Variants in COL24A1 observed in about 807,000 individuals in gnomAD.
COL24A1 encodes collagen type XXIV alpha 1 chain.
A neutral mutation model predicts 253.9 loss-of-function variants in COL24A1; 224 were observed. The observed-to-expected ratio is 0.88, with a 90% confidence interval of 0.79 to 0.99. The LOEUF (loss-of-function observed/expected upper bound fraction) is 0.99, where lower values mean the gene tolerates loss of function less well. Ranked by LOEUF, COL24A1 falls within the 50% of genes least tolerant of loss-of-function variation. COL24A1 has a pLI of 0.00. For synonymous variants in COL24A1, 685 were observed against 673.7 expected (o/e 1.02, Z -0.26); for missense variants, 2,131 against 2,068.5 (o/e 1.03, Z -0.59).
At chr1:85,879,534 T>C (rs1380681238) in intron 32 of COL24A1, among the ~76,000 whole-genome samples, 1 of 152,190 alleles carries the variant, frequency 6.6e-6, no homozygotes, top group East Asian at 1.9e-4. Flanking sequence ...GCCAACCTCC[T>C]GCAGAGTTAA....
At chr1:86,020,764 A>G (rs1697455658) in intron 18 of COL24A1, among the ~76,000 whole-genome samples, 1 of 152,226 alleles carries the variant, frequency 6.6e-6, no homozygotes, top group African/African-American at 2.4e-5. Flanking sequence ...ATCACTGCAA[A>G]TATCAGAGAG....
In COL24A1 at chr1:86,126,174, G is replaced by C. The variant is rs182152872; in HGVS notation, c.162C>G (p.Asp54Glu). 1.0e-5 allele frequency: 16 copies of C among 1,605,492 alleles called. No individual in the cohort carries two copies. The highest frequency in any genetic ancestry group is 1.3e-5 in the Non-Finnish European group (15 of 1,179,294). The change falls in exon 3 of 60, where the codon GAC (aspartate) becomes GAG (glutamate). Residue 54 changes from aspartate to glutamate, a missense_variant. Physicochemically the swap from Asp to Glu is conservative, Grantham distance 45. Transcript: ENST00000370571. ...ILHQLGLGGK[D>E]VRHSSPATAV... is the part of the protein sequence containing the mutation. The stretch of plus-strand genomic sequence containing the variant: ...CAGTCGCTGGTGATGAGTGTCTTAC[G>C]TCTTTGCCTCCAAGGCCTAGTTGAT...
rs530439740 is a variant in COL24A1, at chr1:85,835,358, C to T, written c.3681+3227G>A. Among the ~76,000 whole-genome samples the T allele has an allele frequency of 5.4e-4, 82 of 152,258 alleles. 1 individual carries two copies. The Middle Eastern group carries it at 0.017, about 32-fold the overall frequency. ...TGTTGGGCAGGATGGTCTCGATCTC[C>T]TGACCTCGTGATCTGCCCACGGTGG... On this transcript the variant is annotated intron_variant, in intron 43 of 59. Transcript: ENST00000370571.
rs71075861 is a variant in COL24A1 at position 85,764,455 on chromosome 1, TACACACACACACAC to T, written c.4375-2903_4375-2890del. 5.1e-3 allele frequency among the ~76,000 whole-genome samples: 694 copies of T among 137,182 alleles called. 3 individuals carry two copies. Among genetic ancestry groups the T allele is most frequent in the East Asian group, 0.014 (66 of 4,596 alleles). 90.0% of individuals were successfully genotyped at this position (137,182 alleles called of 152,430 possible). On this transcript the variant is annotated intron_variant, in intron 53 of 59. Transcript: ENST00000370571. ...GGCTACTCTTGATCTAGGTGGAGGA[TACACACACACACAC>T]ACACACACACACACACACACACACA...
chr1:85,858,226 T>C (rs763097767), intron 37 of COL24A1, among the ~76,000 whole-genome samples: 3 of 151,982 alleles, frequency 2.0e-5, no homozygotes, highest in Non-Finnish European at 2.9e-5. Context: ...ATTTTAATCA[T>C]ACCCTTCTGC....
intron 24 of COL24A1, among the ~76,000 whole-genome samples, chr1:85,921,801 T>G (rs565894265): frequency 4.1e-4 from 63 of 152,280 alleles, no homozygotes; most frequent in African/African-American, 1.3e-3. Context: ...TGAACAAAGC[T>G]GGGCAGAGAA....
intron 42 of COL24A1, among the ~76,000 whole-genome samples, chr1:85,840,670 T>C (rs1251608694): frequency 6.6e-6 from 1 of 152,170 alleles, no homozygotes; most frequent in Non-Finnish European, 1.5e-5. Context: ...GAGACAGTTA[T>C]TCAAATAAAG....
chr1:85,910,790 G>T (rs1261308492), intron 25 of COL24A1, among the ~76,000 whole-genome samples: 1 of 151,802 alleles, frequency 6.6e-6, no homozygotes, highest in Non-Finnish European at 1.5e-5. Context: ...TATTAACAGA[G>T]ATGAAACAAC....
At chr1:85,847,602 G>A (rs1677266046) in intron 39 of COL24A1, 63 bp downstream of exon 39, 1 of 1,148,080 alleles carries the variant, frequency 8.7e-7, no homozygotes, top group African/African-American at 1.5e-5. Context: ...AAACTTTAAG[G>A]GCATGGATAC....
intron 47 of COL24A1, among the ~76,000 whole-genome samples, chr1:85,794,682 C>G (rs1020780028): frequency 3.3e-5 from 5 of 152,152 alleles, no homozygotes; most frequent in African/African-American, 1.2e-4. Context: ...CCTAGGCATT[C>G]TTTCCAGTGT....
chr1:86,110,544 C>T (rs540145462), intron 5 of COL24A1, among the ~76,000 whole-genome samples: 73 of 151,698 alleles, frequency 4.8e-4, no homozygotes, highest in African/African-American at 1.7e-3. Flanking sequence ...CCTCTGCTTG[C>T]GGGGAGGTGT....
intron 52 of COL24A1, among the ~76,000 whole-genome samples, chr1:85,779,442 A>G (rs1456871619): frequency 2.0e-5 from 3 of 151,994 alleles, no homozygotes; most frequent in South Asian, 2.1e-4. Flanking sequence ...AGTTGTAGTC[A>G]TCTTGCTATA....
At chr1:85,848,740 G>A (rs1260761948) in intron 38 of COL24A1, among the ~76,000 whole-genome samples, 5 of 152,172 alleles carry the variant, frequency 3.3e-5, no homozygotes, top group Non-Finnish European at 5.9e-5. Flanking sequence ...AAAAACTACT[G>A]TGAACACAGT....
In COL24A1 at chr1:86,068,520, G is replaced by A. The variant is rs137990270; in HGVS notation, c.1708-4761C>T. On this transcript the variant is annotated intron_variant, in intron 7 of 59. Transcript: ENST00000370571. ...TGGGCTGAAGTACTCTGGGGTCCTA[G>A]GTAAACTTCAAAGGCTGTCTAGGAC... Among the ~76,000 whole-genome samples, 1,212 of 152,232 alleles carry A rather than the reference G, an allele frequency of 8.0e-3. 11 individuals carry two copies. The highest frequency in any genetic ancestry group is 0.026 in the African/African-American group (1,091 of 41,534).
chr1:85,850,183 C>T (rs1677602024), intron 37 of COL24A1, among the ~76,000 whole-genome samples: 1 of 151,910 alleles, frequency 6.6e-6, no homozygotes, highest in East Asian at 1.9e-4. Context: ...TTCAGGTAAA[C>T]AATGGTTAGG....
chr1:85,784,256 T>A lies in COL24A1; in HGVS notation c.4167+3A>T, dbSNP rs1393582159. 3.7e-6 allele frequency: 6 copies of A among 1,613,818 alleles called. No individual in the cohort carries two copies. In the South Asian group the frequency reaches 6.6e-5, roughly 18 times the overall value. ...CTTGGTGAATTTCTGAGGTGGTACA[T>A]ACAGGCTGCCCTTTCAGGCCAGGGT... is the stretch of plus-strand genomic sequence containing the variant. On this transcript the variant is annotated splice_donor_region_variant and intron_variant, in intron 49 of 59. Transcript: ENST00000370571.
At chr1:85,806,793 C>A (rs1672016591) in intron 47 of COL24A1, among the ~76,000 whole-genome samples, 1 of 152,206 alleles carries the variant, frequency 6.6e-6, no homozygotes, top group Non-Finnish European at 1.5e-5. Flanking sequence ...CCAGTCTCCA[C>A]CCTGCTCTAC....
rs116655155 is a variant in COL24A1, at chr1:86,026,327, G to A, written c.2050-3320C>T. ...TCTTACTATCTGATATGGTTTGGGT[G>A]TGTCCCCACCCAAAATTTCATCTGA... On this transcript the variant is annotated intron_variant, in intron 14 of 59. Coordinates refer to ENST00000370571, the MANE Select transcript of COL24A1 (RefSeq NM_152890.7). 2.7e-3 allele frequency among the ~76,000 whole-genome samples: 412 copies of A among 152,288 alleles called. 4 individuals are homozygous for A. The highest frequency in any genetic ancestry group is 9.6e-3 in the African/African-American group (399 of 41,572).
intron 3 of COL24A1, among the ~76,000 whole-genome samples, chr1:86,122,733 TG>T (rs1471556830): frequency 6.6e-6 from 1 of 152,010 alleles, no homozygotes; most frequent in Admixed American, 6.6e-5. Context: ...CAAAATCTCT[TG>T]AATCCTACTT....
Sources: gnomAD v4.1 joint callset for allele counts (sites outside exome capture counted in the v4.1 genomes callset) on GRCh38, gnomAD v4.1.1 for gene constraint, MANE v1.5 for transcripts, NCBI Gene and HGNC (gene_info 2026-07-23, HGNC 2026-07-21) for gene names.